TBL1X: variants seen among roughly 807,000 people sequenced by gnomAD.
TBL1X encodes F-box-like/WD repeat-containing protein TBL1X.
Under a neutral mutation model 50.7 loss-of-function variants are expected in TBL1X, and 10 were observed. That is an observed-to-expected ratio of 0.20 (90% confidence interval 0.12 to 0.33). TBL1X has a LOEUF of 0.33. Among genes scored for constraint, TBL1X ranks in the 10% least tolerant of loss-of-function variants. The pLI is 1.00. For missense variants in TBL1X, 340 were observed against 504.4 expected, an observed-to-expected ratio of 0.67 and a Z score of 3.12; for synonymous variants, 190 against 214.7, an observed-to-expected ratio of 0.88 and a Z score of 1.01.
At chrX:9,463,648 T>C (rs1478221214), upstream of TBL1X, among the ~76,000 whole-genome samples, 2 of 112,131 alleles carry the variant, frequency 1.8e-5, no homozygotes, top group Non-Finnish European at 3.8e-5. Context: ...TCCCAGCACT[T>C]TGGGAGGCCG....
intron 3 of TBL1X, among the ~76,000 whole-genome samples, chrX:9,652,978 A>G (rs1490399468): frequency 9.0e-6 from 1 of 111,526 alleles, no homozygotes; most frequent in African/African-American, 3.3e-5. Context: ...CATCCTGGCC[A>G]ACATGGTGAA....
At chrX:9,484,657 C>G (rs1244829500) in intron 1 of TBL1X, among the ~76,000 whole-genome samples, 1 of 110,567 alleles carries the variant, frequency 9.0e-6, no homozygotes, top group Non-Finnish European at 1.9e-5. Context: ...TATCCATTCA[C>G]CAGTTGTTGA....
chrX:9,689,752 G>A (rs762173904), intron 7 of TBL1X, among the ~76,000 whole-genome samples: 1 of 112,995 alleles, frequency 8.8e-6, no homozygotes, highest in South Asian at 3.6e-4. Context: ...GGCTGGCTAA[G>A]ATGCCAGTTT....
At chrX:9,673,536 G>T (rs2082972575) in intron 5 of TBL1X, among the ~76,000 whole-genome samples, 1 of 112,055 alleles carries the variant, frequency 8.9e-6, no homozygotes, top group Non-Finnish European at 1.9e-5. Context: ...AGGTCATACA[G>T]CTGGGATTCA....
intron 1 of TBL1X, among the ~76,000 whole-genome samples, chrX:9,499,092 T>G (rs537230152): frequency 8.9e-6 from 1 of 111,898 alleles, no homozygotes; most frequent in East Asian, 2.8e-4. Context: ...TGTGGCTGAA[T>G]AGTGGACAGC....
intron 2 of TBL1X, among the ~76,000 whole-genome samples, chrX:9,532,579 G>A (rs1016766524): frequency 2.7e-5 from 3 of 110,950 alleles, no homozygotes; most frequent in Non-Finnish European, 5.7e-5. Flanking sequence ...CTGCCCTAAC[G>A]CAGCACCACG....
intron 2 of TBL1X, among the ~76,000 whole-genome samples, chrX:9,627,746 T>C (rs1314389445): frequency 8.9e-6 from 1 of 112,129 alleles, no homozygotes; most frequent in Non-Finnish European, 1.9e-5. Context: ...ATTGCTTTCG[T>C]CTAAAACAAT....
rs184159888 is a variant in TBL1X, at chrX:9,523,241, A to T, written c.-131+21392A>T. Among the ~76,000 whole-genome samples, 174 of 111,926 alleles carry T rather than the reference A, an allele frequency of 1.6e-3. 1 individual carries two copies. The highest frequency in any genetic ancestry group is 5.5e-3 in the African/African-American group (169 of 30,804). On this transcript the variant is annotated intron_variant, in intron 2 of 17. Coordinates refer to ENST00000645353, the MANE Select transcript of TBL1X (RefSeq NM_005647.4). Reference sequence around the variant, plus strand: ...CCCTTTCACCCTGATCACCGCATGCAGTCTGGCCTCTGCCCCGCTTGAAAG... The same window carrying T: ...CCCTTTCACCCTGATCACCGCATGCTGTCTGGCCTCTGCCCCGCTTGAAAG...
intron 1 of TBL1X, among the ~76,000 whole-genome samples, chrX:9,488,342 C>T (rs1414810489): frequency 1.8e-5 from 2 of 112,103 alleles, no homozygotes; most frequent in African/African-American, 6.5e-5. Context: ...GGAGAATTGG[C>T]TTCCTTGCCT....
At chrX:9,648,993 TGAA>T (rs1178027334) in intron 3 of TBL1X, among the ~76,000 whole-genome samples, 1 of 111,506 alleles carries the variant, frequency 9.0e-6, no homozygotes, top group African/African-American at 3.3e-5. Flanking sequence ...GTCAAAAAAC[TGAA>T]GAAGATCCAT....
At chrX:9,552,924 T>C (rs1468870740) in intron 2 of TBL1X, among the ~76,000 whole-genome samples, 1 of 111,421 alleles carries the variant, frequency 9.0e-6, no homozygotes, top group African/African-American at 3.3e-5. Flanking sequence ...GGAAGGGTTA[T>C]TTGAGCCCAG....
At chrX:9,497,872 T>TCTCC (rs1197026312) in intron 1 of TBL1X, among the ~76,000 whole-genome samples, 4 of 94,374 alleles carry the variant, frequency 4.2e-5, no homozygotes, top group Non-Finnish European at 8.4e-5. Context: ...TCTCTCTCCC[T>TCTCC]CTCCCTCCCT....
At chrX:9,550,595 T>C (rs1283049399) in intron 2 of TBL1X, among the ~76,000 whole-genome samples, 1 of 112,073 alleles carries the variant, frequency 8.9e-6, no homozygotes, top group Non-Finnish European at 1.9e-5. Flanking sequence ...AATTCTCTTG[T>C]AGGAGTGTAC....
chrX:9,489,320 A>C (rs1468010787), intron 1 of TBL1X, among the ~76,000 whole-genome samples: 1 of 111,547 alleles, frequency 9.0e-6, no homozygotes, highest in Admixed American at 9.6e-5. Flanking sequence ...GTGGAGGAAG[A>C]CTGGTGGAGT....
intron 2 of TBL1X, among the ~76,000 whole-genome samples, chrX:9,538,528 C>A (rs1206135137): frequency 8.9e-6 from 1 of 112,338 alleles, no homozygotes; most frequent in Non-Finnish European, 1.9e-5. Context: ...GCCCAGTCTC[C>A]CATCCTCTGC....
intron 2 of TBL1X, among the ~76,000 whole-genome samples, chrX:9,635,170 G>A (rs187575644): frequency 1.2e-3 from 135 of 110,913 alleles, no homozygotes; most frequent in African/African-American, 4.2e-3. Context: ...ACGAGCACCC[G>A]AAGGAATTTT....
chrX:9,695,530 G>A (rs1019087364), intron 11 of TBL1X, among the ~76,000 whole-genome samples: 2 of 112,457 alleles, frequency 1.8e-5, no homozygotes, highest in African/African-American at 6.5e-5. Context: ...ATTGCTGCTT[G>A]AGTTATTAAA....
intron 2 of TBL1X, among the ~76,000 whole-genome samples, chrX:9,517,044 A>G (rs1601727411): frequency 8.9e-6 from 1 of 111,979 alleles, no homozygotes; most frequent in Admixed American, 9.5e-5. Context: ...ACTGAGTACT[A>G]TACAGTCTCT....
intron 15 of TBL1X, 143 bp from the exon 16 acceptor site, chrX:9,711,468 T>C: frequency 1.8e-6 from 1 of 541,749 alleles, no homozygotes; most frequent in East Asian, 4.3e-5. Context: ...AGTTACAGTT[T>C]AGAAGACAAA....
Sources: gnomAD v4.1 joint callset for allele counts (sites outside exome capture counted in the v4.1 genomes callset) on GRCh38, gnomAD v4.1.1 for gene constraint, MANE v1.5 for transcripts, NCBI Gene and HGNC (gene_info 2026-07-23, HGNC 2026-07-21) for gene names.